The following FMN1 variants were observed in gnomAD, a reference collection of about 807,000 sequenced individuals.
FMN1 encodes formin 1, also known as formin-1.
FMN1 carries 110 observed loss-of-function variants against 132.4 expected under a neutral mutation model. The observed-to-expected ratio is 0.83, with a 90% CI of 0.71 to 0.97. The LOEUF (loss-of-function observed/expected upper bound fraction) is 0.97. FMN1 is among the 50% of genes least tolerant of loss of function. FMN1 has a pLI of 0.00. For missense variants in FMN1, 1,792 were observed against 1,705.3 expected, an observed-to-expected ratio of 1.05 and a Z score of -0.90; for synonymous variants, 722 against 651.7, an observed-to-expected ratio of 1.11 and a Z score of -1.64.
rs1184005057 is a variant in FMN1, at chr15:32,771,509, A to G, written c.*2801T>C. The G allele has an allele frequency of 6.6e-6, 1 of 152,198 alleles. No homozygotes were observed. Among genetic ancestry groups the G allele is most frequent in the African/African-American group, 2.4e-5 (1 of 41,458 alleles). 9.4% of individuals were successfully genotyped at this position (152,198 alleles called of 1,614,324 possible). On this transcript the variant is annotated 3_prime_UTR_variant, in exon 21 of 21. Transcript: ENST00000616417. ...CATGCAAGAATCTGAACTACTGTCAAACTGTGTCCTCAGATTTAATGAATA... is the reference window on the plus strand; with the variant it reads ...CATGCAAGAATCTGAACTACTGTCAGACTGTGTCCTCAGATTTAATGAATA...
At chr15:33,152,596 C>T (rs1478611864) in intron 4 of FMN1, among the ~76,000 whole-genome samples, 2 of 151,892 alleles carry the variant, frequency 1.3e-5, no homozygotes, top group African/African-American at 2.4e-5. Context: ...GAAGACACAG[C>T]GTACTTTTGC....
chr15:33,181,343 G>A (rs1486312543), intron 2 of FMN1, among the ~76,000 whole-genome samples: 1 of 152,066 alleles, frequency 6.6e-6, no homozygotes, highest in Non-Finnish European at 1.5e-5. Flanking sequence ...CACTTTTTCT[G>A]AGATGTCTCT....
intron 16 of FMN1, 95 bp downstream of exon 16, chr15:32,888,077 A>G (rs978930062): frequency 2.7e-6 from 3 of 1,098,538 alleles, no homozygotes; most frequent in African/African-American, 3.1e-5. Context: ...CTCTGCACCA[A>G]TCCCACTCTA....
In FMN1 at chr15:32,964,033, A is replaced by G. The variant is rs1408210211; in HGVS notation, c.3138+74T>C. 3.9e-6 allele frequency: 4 copies of G among 1,032,586 alleles called. No homozygotes were observed. In the African/African-American group the frequency reaches 6.6e-5, roughly 17 times the overall value. 64.0% of individuals were successfully genotyped at this position (1,032,586 alleles called of 1,614,324 possible). On this transcript the variant is annotated intron_variant, in intron 9 of 20. Coordinates refer to ENST00000616417, the MANE Select transcript of FMN1 (RefSeq NM_001277313.2). ...ATATACGATACACACACACACACAC[A>G]CACACACACACACACATATATACCA...
chr15:32,971,224 A>T lies in FMN1; in HGVS notation c.2224-1747T>A, dbSNP rs76900681. Among the ~76,000 whole-genome samples, 198 of 152,356 alleles carry T rather than the reference A, an allele frequency of 1.3e-3. 2 individuals are homozygous for T. The East Asian group carries it at 0.014, about 11-fold the overall frequency. ...ATGCCTGGAACACAGAAACGTTTGGATAAATCTTACTGTTAGTTTCTGTTG... is the reference window on the plus strand; with the variant it reads ...ATGCCTGGAACACAGAAACGTTTGGTTAAATCTTACTGTTAGTTTCTGTTG... On this transcript the variant is annotated intron_variant, in intron 7 of 20. Transcript: ENST00000616417.
intron 6 of FMN1, among the ~76,000 whole-genome samples, chr15:33,052,268 T>C (rs1048602242): frequency 1.3e-5 from 2 of 152,184 alleles, no homozygotes; most frequent in Admixed American, 1.3e-4. Context: ...TGATTTAAAA[T>C]ATTTTATTAA....
At chr15:32,926,428 A>G (rs756941566) in intron 9 of FMN1, among the ~76,000 whole-genome samples, 167 bp from the exon 10 acceptor site, 3 of 152,240 alleles carry the variant, frequency 2.0e-5, no homozygotes, top group Non-Finnish European at 4.4e-5. Flanking sequence ...CTTATGCACA[A>G]TTATAGACAT....
intron 7 of FMN1, among the ~76,000 whole-genome samples, chr15:32,992,932 T>G (rs1017610783): frequency 3.3e-5 from 5 of 152,210 alleles, no homozygotes; most frequent in African/African-American, 1.2e-4. Flanking sequence ...TTCACTAACT[T>G]TATTTTTCAT....
chr15:33,022,157 C>T (rs1343098046), intron 6 of FMN1, among the ~76,000 whole-genome samples: 1 of 152,186 alleles, frequency 6.6e-6, no homozygotes, highest in Non-Finnish European at 1.5e-5. Context: ...CCTAATACAA[C>T]GTCAATGCTA....
At chr15:33,104,657 G>C (rs997356028) in intron 4 of FMN1, among the ~76,000 whole-genome samples, 2 of 152,028 alleles carry the variant, frequency 1.3e-5, no homozygotes, top group African/African-American at 2.4e-5. Flanking sequence ...ATGTATTCCT[G>C]AAGCAATGTT....
intron 7 of FMN1, among the ~76,000 whole-genome samples, chr15:32,988,608 G>C (rs576078540): frequency 9.2e-5 from 14 of 152,290 alleles, no homozygotes; most frequent in Admixed American, 5.9e-4. Context: ...ACTGGGAAGA[G>C]GCTCGACTTT....
intron 17 of FMN1, among the ~76,000 whole-genome samples, chr15:32,851,283 C>T (rs1388537289): frequency 3.3e-5 from 5 of 152,168 alleles, no homozygotes; most frequent in African/African-American, 9.7e-5. Flanking sequence ...CCAGCCCTCC[C>T]TGCCAAAGCT....
chr15:33,126,184 A>G (rs1304187767), intron 4 of FMN1, among the ~76,000 whole-genome samples: 2 of 151,980 alleles, frequency 1.3e-5, no homozygotes, highest in Non-Finnish European at 2.9e-5. Context: ...TCCTCATTAG[A>G]GACATGGTGT....
chr15:32,980,764 T>G (rs1325271436), intron 7 of FMN1, among the ~76,000 whole-genome samples: 1 of 152,166 alleles, frequency 6.6e-6, no homozygotes, highest in Non-Finnish European at 1.5e-5. Context: ...GACTCATGCA[T>G]ATACACTTTG....
intron 15 of FMN1, among the ~76,000 whole-genome samples, chr15:32,896,997 C>G (rs2141567025): frequency 6.6e-6 from 1 of 152,282 alleles, no homozygotes; most frequent in South Asian, 2.1e-4. Flanking sequence ...TACTGTTTTC[C>G]ATAGCAGCTC....
chr15:33,020,484 CTA>C (rs2035358507), intron 6 of FMN1, among the ~76,000 whole-genome samples: 1 of 152,082 alleles, frequency 6.6e-6, no homozygotes, highest in Non-Finnish European at 1.5e-5. Flanking sequence ...CCCGTCTCTA[CTA>C]AAATACAAAA....
At chr15:33,019,384 C>CTCCAA (rs1444768946) in intron 6 of FMN1, among the ~76,000 whole-genome samples, 1 of 152,222 alleles carries the variant, frequency 6.6e-6, no homozygotes, top group South Asian at 2.1e-4. Context: ...CATAAAGATT[C>CTCCAA]TCCAAGACCC....
chr15:33,066,153 G>C lies in FMN1; in HGVS notation c.2044-1079C>G, dbSNP rs577557880. The stretch of plus-strand genomic sequence containing the variant: ...AGACTTTCTGCGGAGGTATAATTAA[G>C]GGGTGAGGAAACCCTGTAAACCTGG... On this transcript the variant is annotated intron_variant, in intron 5 of 20. Coordinates refer to ENST00000616417, the MANE Select transcript of FMN1 (RefSeq NM_001277313.2). 1.7e-4 allele frequency among the ~76,000 whole-genome samples: 26 copies of C among 152,178 alleles called. 1 individual carries two copies. The highest frequency in any genetic ancestry group is 1.6e-3 in the Admixed American group (25 of 15,268).
chr15:33,088,866 G>C lies in FMN1; in HGVS notation c.1976C>G (p.Ala659Gly), dbSNP rs1279446390. ...AWVLGYRAGP[A>G]CPFLLHEERE... The stretch of plus-strand genomic sequence containing the variant: ...TTCCTCATGAAGCAAAAATGGACAG[G>C]CTGGTCCCGCTCTGTAGCCCAGAAC... Residue 659 changes from alanine to glycine, a missense_variant, in exon 5 of 21, where the codon GCC (alanine) becomes GGC (glycine). Around this residue, in one of 3 missense-constraint regions of FMN1, gnomAD observed 1,150 missense variants for 1,043.1 expected, o/e 1.10. Transcript: ENST00000616417. 1 of 1,535,892 alleles carries C rather than the reference G, an allele frequency of 6.5e-7. No individual in the cohort carries two copies. Among genetic ancestry groups the C allele is most frequent in the Non-Finnish European group, 8.7e-7 (1 of 1,146,812 alleles).
Sources: gnomAD v4.1 joint callset for allele counts (sites outside exome capture counted in the v4.1 genomes callset) on GRCh38, gnomAD v4.1.1 for gene constraint, gnomAD v4.1.1 regional missense constraint, MANE v1.5 for transcripts, NCBI Gene and HGNC (gene_info 2026-07-23, HGNC 2026-07-21) for gene names.